Variants in KYNU observed in about 807,000 individuals in gnomAD.
KYNU encodes the protein L-kynurenine hydrolase.
KYNU carries 54 observed loss-of-function variants against 59.2 expected under a neutral mutation model. The ratio of observed to expected loss-of-function variants is 0.91; its 90% CI spans 0.73 to 1.14. The LOEUF (loss-of-function observed/expected upper bound fraction) is 1.14, where lower values mean the gene tolerates loss of function less well. KYNU is among the 50% of genes most tolerant of loss of function. The pLI is 0.00. For missense variants in KYNU, 567 were observed against 554.4 expected, an observed-to-expected ratio of 1.02 and a Z score of -0.23; for synonymous variants, 177 against 192.0, an observed-to-expected ratio of 0.92 and a Z score of 0.65.
At chr2:142,883,959 A>G (rs1681399958) in intron 1 of KYNU, among the ~76,000 whole-genome samples, 2 of 152,392 alleles carry the variant, frequency 1.3e-5, no homozygotes, top group South Asian at 2.1e-4. Context: ...TGAAATCAGC[A>G]AAACTATATG....
At chr2:142,878,561 A>C (rs1054872745) in intron 1 of KYNU, among the ~76,000 whole-genome samples, 1 of 152,210 alleles carries the variant, frequency 6.6e-6, no homozygotes, top group Non-Finnish European at 1.5e-5. Context: ...CAATTTGCTT[A>C]TTTCAGGCAT....
intron 8 of KYNU, among the ~76,000 whole-genome samples, chr2:142,983,556 A>G (rs1361914441): frequency 6.6e-6 from 1 of 152,038 alleles, no homozygotes; most frequent in Non-Finnish European, 1.5e-5. Context: ...ATGTGGGATT[A>G]AATGCTAAAC....
intron 10 of KYNU, among the ~76,000 whole-genome samples, chr2:143,006,295 G>T (rs538804426): frequency 2.0e-5 from 3 of 151,798 alleles, no homozygotes; most frequent in Non-Finnish European, 4.4e-5. Flanking sequence ...AAGGGGTGAC[G>T]GACGCACCTG....
At chr2:143,016,582 C>G (rs1363468801) in intron 10 of KYNU, among the ~76,000 whole-genome samples, 1 of 152,026 alleles carries the variant, frequency 6.6e-6, no homozygotes, top group African/African-American at 2.4e-5. Context: ...CCCAGTTTAC[C>G]CCCACTGATG....
At chr2:142,894,857 T>TA (rs1316330849) in intron 2 of KYNU, among the ~76,000 whole-genome samples, 1 of 152,120 alleles carries the variant, frequency 6.6e-6, no homozygotes, top group Non-Finnish European at 1.5e-5. Flanking sequence ...TGTAACCCAG[T>TA]ACTCTTTGGA....
At chr2:142,978,272 T>C (rs1419798264) in intron 8 of KYNU, among the ~76,000 whole-genome samples, 1 of 151,474 alleles carries the variant, frequency 6.6e-6, no homozygotes, top group Non-Finnish European at 1.5e-5. Context: ...TTTTCTTTTT[T>C]TCGTTCATTT....
chr2:142,975,241 G>A (rs925091182), intron 8 of KYNU, among the ~76,000 whole-genome samples: 4 of 151,966 alleles, frequency 2.6e-5, no homozygotes, highest in African/African-American at 9.7e-5. Context: ...GAAAAGGAGA[G>A]AAGAAGCATC....
intron 2 of KYNU, among the ~76,000 whole-genome samples, chr2:142,886,750 A>G (rs1363926389): frequency 6.6e-6 from 1 of 152,224 alleles, no homozygotes; most frequent in Non-Finnish European, 1.5e-5. Flanking sequence ...TGCATCACAC[A>G]ATGTGGAAAC....
At chr2:143,039,366 T>C (rs74991747) in intron 12 of KYNU, among the ~76,000 whole-genome samples, 23 of 152,158 alleles carry the variant, frequency 1.5e-4, no homozygotes, top group African/African-American at 5.5e-4. Flanking sequence ...TTGCACTTTT[T>C]TGAGGATAAA....
At position 142,985,170 on chromosome 2, in the gene KYNU, G is replaced by T; in HGVS notation, c.816G>T (p.Trp272Cys). The stretch of plus-strand genomic sequence containing the variant: ...ACTGGGGAGTTGATTTTGCCTGCTG[G>T]TGTTCCTACAAGGTACAAACGAGTT... ...LHDWGVDFAC[W>C]CSYKYLNAGA... is the part of the protein sequence containing the mutation. The change falls in exon 9 of 14, where the codon TGG becomes TGT. Residue 272 changes from tryptophan (W) to cysteine (C), a missense_variant. Trp to Cys is a radical substitution (Grantham distance 215). Transcript: ENST00000264170. The T allele has an allele frequency of 1.3e-6, 2 of 1,596,572 alleles. No individual in the cohort carries two copies. Among genetic ancestry groups the T allele is most frequent in the Non-Finnish European group, 1.7e-6 (2 of 1,164,590 alleles).
chr2:142,986,081 T>C, intron 10 of KYNU, 60 bp downstream of exon 10: 1 of 1,185,454 alleles, frequency 8.4e-7, no homozygotes, highest in Non-Finnish European at 1.3e-6. Flanking sequence ...ATTAATAATA[T>C]GTTAAATTTA....
At chr2:143,037,343 GTATAT>G (rs932548584) in intron 12 of KYNU, among the ~76,000 whole-genome samples, 4 of 152,138 alleles carry the variant, frequency 2.6e-5, no homozygotes, top group African/African-American at 4.8e-5. Context: ...TAAACAATAC[GTATAT>G]TATATTTTGA....
At chr2:143,021,351 A>C (rs1686401483) in intron 10 of KYNU, among the ~76,000 whole-genome samples, 1 of 152,196 alleles carries the variant, frequency 6.6e-6, no homozygotes, top group African/African-American at 2.4e-5. Flanking sequence ...TTGTTTTCCC[A>C]AATGACATTA....
chr2:142,940,828 G>A (rs1191346414), intron 4 of KYNU, among the ~76,000 whole-genome samples: 1 of 152,118 alleles, frequency 6.6e-6, no homozygotes, highest in Non-Finnish European at 1.5e-5. Flanking sequence ...GTAAATTCAG[G>A]GATTTCCACA....
At chr2:143,022,274 G>A (rs1228331121) in intron 10 of KYNU, among the ~76,000 whole-genome samples, 1 of 151,882 alleles carries the variant, frequency 6.6e-6, no homozygotes, top group Non-Finnish European at 1.5e-5. Context: ...TCTTTACAGG[G>A]TTTAAGGAGA....
intron 10 of KYNU, among the ~76,000 whole-genome samples, chr2:143,002,370 C>G (rs1685729244): frequency 6.6e-6 from 1 of 152,222 alleles, no homozygotes; most frequent in Middle Eastern, 3.4e-3. Context: ...TTCTTTTTTC[C>G]TAAGAACACA....
Position 143,045,911 on chromosome 2 carries a change from A to G in KYNU, c.*3739A>G, listed in dbSNP as rs1213946145. ...ATGTTGAACTTGTAAGCAGAGAAGT[A>G]AATCTATAATGACAAATCATAATTT... On this transcript the variant is annotated 3_prime_UTR_variant, in exon 14 of 14. Coordinates refer to ENST00000264170, the MANE Select transcript of KYNU (RefSeq NM_003937.3). The G allele has an allele frequency of 6.6e-6, 1 of 152,194 alleles. No individual in the cohort carries two copies. Among genetic ancestry groups the G allele is most frequent in the Non-Finnish European group, 1.5e-5 (1 of 68,020 alleles). The allele number at this position is 152,194 out of a possible 1,614,324, so 9.4% of individuals were successfully genotyped here.
At chr2:143,033,446 A>G in intron 12 of KYNU, 125 bp downstream of exon 12, 1 of 807,032 alleles carries the variant, frequency 1.2e-6, no homozygotes, top group Admixed American at 1.7e-5. Context: ...TGAACAAGGG[A>G]CAGAAGGCAG....
intron 8 of KYNU, among the ~76,000 whole-genome samples, chr2:142,972,018 C>CA (rs1424109734): frequency 6.6e-6 from 1 of 152,104 alleles, no homozygotes; most frequent in Non-Finnish European, 1.5e-5. Context: ...TCTTGAGTCT[C>CA]AGAAATAAAT....
Sources: allele counts gnomAD v4.1 joint callset (sites outside exome capture counted in the v4.1 genomes callset), GRCh38; gene constraint gnomAD v4.1.1; transcripts MANE v1.5; gene names NCBI Gene and HGNC (gene_info 2026-07-23, HGNC 2026-07-21).